Variants in ARSD observed in about 807,000 individuals in gnomAD.
ARSD encodes arylsulfatase D.
In ARSD, 21 loss-of-function variants were observed where a neutral mutation model predicts 32.6. That is an observed-to-expected ratio of 0.64 (90% CI 0.46 to 0.93). The LOEUF is 0.93. Ranked by LOEUF, ARSD falls within the 40% of genes least tolerant of loss-of-function variation. The pLI is 0.00. For synonymous variants in ARSD, 224 were observed against 237.4 expected (o/e 0.94, Z 0.52); for missense variants, 454 against 520.9 (o/e 0.87, Z 1.25).
chrX:2,921,029 G>A (rs770186338), intron 3 of ARSD, among the ~76,000 whole-genome samples: 54 of 111,524 alleles, frequency 4.8e-4, no homozygotes, highest in African/African-American at 1.7e-3. Context: ...GGTGCTACTC[G>A]TATCGGGTGC....
intron 2 of ARSD, chrX:2,923,271 C>T (rs776851136): frequency 1.7e-5 from 4 of 237,507 alleles, no homozygotes; most frequent in Non-Finnish European, 3.2e-5. Context: ...GCCAGGAGTT[C>T]GAGACAAGCC....
chrX:2,915,654 A>T lies in ARSD; in HGVS notation c.902T>A (p.Leu301Gln). The change falls in exon 6 of 10, where the codon CTG becomes CAG. Residue 301 changes from leucine (L) to glutamine (Q), a missense_variant. Around this residue, in one of 3 missense-constraint regions of ARSD, gnomAD observed 271 missense variants for 301.0 expected, o/e 0.90. Transcript: ENST00000381154. ...HGPFLLFLSL[L>Q]HVHIPLVTTS... is the part of the protein sequence containing the mutation. ...GGTCACAAGGGGAATGTGCACATGC[A>T]GCAAAGAAAGGAAGAGGAGAAATGG... The T allele has an allele frequency of 8.3e-7, 1 of 1,211,459 alleles. No individual in the cohort carries two copies. The highest frequency in any genetic ancestry group is 1.1e-6 in the Non-Finnish European group (1 of 895,196).
chrX:2,918,321 GA>G (rs762301905), intron 4 of ARSD, 94 bp from the exon 5 acceptor site: 28 of 917,121 alleles, frequency 3.1e-5, no homozygotes, highest in Non-Finnish European at 4.1e-5. Flanking sequence ...GGCAGGAAAA[GA>G]AAAGTCTGCA....
chrX:2,922,394 A>G (rs1467368080), intron 2 of ARSD, among the ~76,000 whole-genome samples: 1 of 110,782 alleles, frequency 9.0e-6, no homozygotes, highest in Non-Finnish European at 1.9e-5. Context: ...TGGGGCCGAG[A>G]TGAGGGTTCC....
rs1171815042 is a variant in ARSD at position 2,929,264 on chromosome X, G to A, written c.12C>T (p.Ala4=). ...CGGGCGCGGCGCGTCCCCTCCGCGC[G>A]GCGGATCGCATGGCCGAGCGCTGGC... MRS[A]ARRGRAAPAA... Residue 4 remains alanine, a synonymous_variant, in exon 1 of 10, where the codon GCC becomes GCT. Coordinates refer to ENST00000381154, the MANE Select transcript of ARSD (RefSeq NM_001669.4). 7 of 1,024,224 alleles carry A rather than the reference G, an allele frequency of 6.8e-6. No homozygotes were observed. Among genetic ancestry groups the A allele is most frequent in the Non-Finnish European group, 8.6e-6 (7 of 809,868 alleles). The allele number at this position is 1,024,224 out of a possible 1,213,427, so 84.4% of individuals were successfully genotyped here.
intron 6 of ARSD, chrX:2,914,690 G>A (rs1444986712): frequency 2.3e-5 from 24 of 1,027,820 alleles, no homozygotes; most frequent in Non-Finnish European, 3.1e-5. Context: ...GCCATAGAAG[G>A]AAGACAGCGT....
intron 1 of ARSD, among the ~76,000 whole-genome samples, chrX:2,928,237 G>T (rs914982695): frequency 2.8e-5 from 3 of 106,362 alleles, no homozygotes; most frequent in Non-Finnish European, 3.9e-5. Context: ...AGGCGCCGGG[G>T]GATGGCCAGA....
intron 1 of ARSD, among the ~76,000 whole-genome samples, chrX:2,927,928 A>T (rs911690884): frequency 4.2e-4 from 47 of 111,967 alleles, no homozygotes; most frequent in African/African-American, 1.5e-3. Context: ...TGGACCCAAG[A>T]AGATTATGTA....
At position 2,928,631 on chromosome X, in the gene ARSD, A is replaced by G. The variant is rs1474367816; in HGVS notation, c.44+601T>C. 3.2e-4 allele frequency among the ~76,000 whole-genome samples: 23 copies of G among 70,944 alleles called. No homozygotes were observed. The Admixed American group carries it at 4.4e-3, about 14-fold the overall frequency. The allele number at this position is 70,944 out of a possible 115,157, so 61.6% of individuals were successfully genotyped here. A position where few individuals can be genotyped will look rare whatever the true frequency, so the allele number is the denominator to read the frequency against. ...GTTGGGGAGGGACAGGGAGCGTCTT[A>G]GTGGACCCGGGGAACACGGCCGTGC... On this transcript the variant is annotated intron_variant, in intron 1 of 9. Coordinates refer to ENST00000381154, the MANE Select transcript of ARSD (RefSeq NM_001669.4).
intron 4 of ARSD, among the ~76,000 whole-genome samples, chrX:2,919,891 C>G (rs2089013139): frequency 9.0e-6 from 1 of 111,387 alleles, no homozygotes; most frequent in Admixed American, 9.6e-5. Context: ...GAGCTTGTGT[C>G]TGGTTTGCCC....
At chrX:2,918,307 C>G (rs1360688868) in intron 4 of ARSD, 80 bp from the exon 5 acceptor site, 2 of 984,988 alleles carry the variant, frequency 2.0e-6, no homozygotes, top group Admixed American at 7.7e-5. Flanking sequence ...AATCATTCCG[C>G]GTCGGCAGGA....
In ARSD at chrX:2,909,145, C is replaced by T. The variant is rs1174200795; in HGVS notation, c.1299-303G>A. On this transcript the variant is annotated intron_variant, in intron 8 of 9. Coordinates refer to ENST00000381154, the MANE Select transcript of ARSD (RefSeq NM_001669.4). ...GTCACCTTGGAGGTCAACACAAAGC[C>T]TTCAAATTCCAGCTGGACAGCCCAC... Among the ~76,000 whole-genome samples the T allele has an allele frequency of 4.5e-5, 5 of 110,865 alleles. No individual in the cohort carries two copies. The East Asian group carries it at 1.1e-3, about 25-fold the overall frequency.
In ARSD at chrX:2,925,748, A is replaced by G. The variant is rs202070019; in HGVS notation, c.62T>C (p.Leu21Pro). The change falls in exon 2 of 10, where the codon CTA becomes CCA. Residue 21 changes from leucine (L) to proline (P), a missense_variant. Leu to Pro is a moderately conservative substitution (Grantham distance 98). Transcript: ENST00000381154. The part of the protein sequence containing the change: ...APAARDSLPV[L>P]LFLCLLLKTC... ...CTTCAGAAGCAAGCATAAAAACAGT[A>G]GCACCGGCAAAGAGTCCCTGGAGAG... 526 of 1,209,429 alleles carry G rather than the reference A, an allele frequency of 4.3e-4. 1 individual carries two copies. Among genetic ancestry groups the G allele is most frequent in the Non-Finnish European group, 5.0e-4 (449 of 895,018 alleles).
chrX:2,909,360 G>A (rs1124546), intron 8 of ARSD, among the ~76,000 whole-genome samples: 10,527 of 110,175 alleles, frequency 0.096, 638 homozygotes, highest in East Asian at 0.45. Context: ...GCCAATTTTT[G>A]TATTTTTTGT....
Position 2,918,099 on chromosome X carries a change from G to A in ARSD, c.568C>T (p.Pro190Ser), listed in dbSNP as rs202219772. 2.5e-4 allele frequency: 298 copies of A among 1,200,259 alleles called. No individual in the cohort carries two copies. The highest frequency in any genetic ancestry group is 6.1e-4 in the South Asian group (34 of 55,383). ...LTNDCDPGRP[P>S]EVDAALRAQL... ...GCCCTCAGGGCGGCGTCCACTTCGG[G>A]GGGCCTGCCTGGGTCACAGTCGTTT... is the stretch of plus-strand genomic sequence containing the variant. Residue 190 changes from proline (P) to serine (S), a missense_variant, in exon 5 of 10, where the codon CCC (proline) becomes TCC (serine). Coordinates refer to ENST00000381154, the MANE Select transcript of ARSD (RefSeq NM_001669.4).
intron 4 of ARSD, 27 bp downstream of exon 4, chrX:2,920,574 T>G: frequency 8.3e-7 from 1 of 1,210,766 alleles, no homozygotes; most frequent in Non-Finnish European, 1.1e-6. Context: ...AACCACCGTA[T>G]AATGTGAGGC....
intron 8 of ARSD, 123 bp from the exon 9 acceptor site, chrX:2,908,965 C>T: frequency 1.9e-6 from 2 of 1,027,808 alleles, no homozygotes; most frequent in Non-Finnish European, 2.6e-6. Flanking sequence ...GATGAGCTGT[C>T]TCTCCAGTCG....
rs755357234 is a variant in ARSD, at chrX:2,918,205, A to G, written c.462T>C (p.Asn154=). The change falls in exon 5 of 10, where the codon AAT becomes AAC. Residue 154 remains asparagine (N), a synonymous_variant. Coordinates refer to ENST00000381154, the MANE Select transcript of ARSD (RefSeq NM_001669.4). The stretch of plus-strand genomic sequence containing the variant: ...GGCAGTGATCCCCGCGGGATGCACA[A>G]TTCACACCCTGGTGCCATTTTCCTA... The part of the protein sequence containing the change: ...GLIGKWHQGV[N]CASRGDHCHH... 1 of 1,166,719 alleles carries G rather than the reference A, an allele frequency of 8.6e-7. No individual in the cohort carries two copies. The highest frequency in any genetic ancestry group is 1.1e-6 in the Non-Finnish European group (1 of 871,727).
rs1232107756 is a variant in ARSD at position 2,906,829 on chromosome X, C to T, written c.*442G>A. ...CACAAATCAGGAAAGGGAAACCCTA[C>T]ATGGGCGCAGTGGCTCGTGCCTGTA... On this transcript the variant is annotated 3_prime_UTR_variant, in exon 10 of 10. Transcript: ENST00000381154. The T allele has an allele frequency of 8.4e-6, 1 of 118,434 alleles. No homozygotes were observed. The highest frequency in any genetic ancestry group is 3.2e-5 in the African/African-American group (1 of 31,028). 9.8% of individuals were successfully genotyped at this position (118,434 alleles called of 1,213,427 possible).
Sources: allele counts gnomAD v4.1 joint callset (sites outside exome capture counted in the v4.1 genomes callset), GRCh38; gene constraint gnomAD v4.1.1; regional missense constraint gnomAD v4.1.1; transcripts MANE v1.5; gene names NCBI Gene and HGNC (gene_info 2026-07-23, HGNC 2026-07-21).